Variants in DDR2 observed in about 807,000 individuals in gnomAD.
DDR2 encodes discoidin domain receptor tyrosine kinase 2, also known as discoidin domain-containing receptor 2.
In DDR2, 27 loss-of-function variants were observed where a neutral mutation model predicts 94.9. The ratio of observed to expected loss-of-function variants is 0.28; its 90% CI spans 0.21 to 0.39. The LOEUF is 0.39. Among genes scored for constraint, DDR2 ranks in the 10% least tolerant of loss-of-function variants. The probability of loss-of-function intolerance (pLI) is 1.00; values close to 1 mark genes in which losing one functional copy is unlikely to be tolerated. For missense variants in DDR2, 783 were observed against 1,076.0 expected (o/e 0.73, Z 3.81); for synonymous variants, 382 against 377.2 (o/e 1.01, Z -0.15).
At position 162,718,176 on chromosome 1, in the gene DDR2, C is replaced by T. The variant is rs558476773; in HGVS notation, c.-27-861C>T. Among the ~76,000 whole-genome samples, 149 of 152,276 alleles carry T rather than the reference C, an allele frequency of 9.8e-4. 1 individual carries two copies. The highest frequency in any genetic ancestry group is 3.4e-3 in the African/African-American group (143 of 41,570). ...TAAGTTGGCTACTGTGTCCCTTTGT[C>T]ATACCCCATCATCTTTTTGTGTGTA... On this transcript the variant is annotated intron_variant, in intron 2 of 17. Coordinates refer to ENST00000367921, the MANE Select transcript of DDR2 (RefSeq NM_006182.4).
At chr1:162,741,517 G>A (rs1441895135) in intron 3 of DDR2, 46 of 890,766 alleles carry the variant, frequency 5.2e-5, no homozygotes, top group Non-Finnish European at 6.0e-5. Flanking sequence ...GTTATTGCAA[G>A]GGTAAAGCAA....
intron 3 of DDR2, among the ~76,000 whole-genome samples, chr1:162,747,732 G>A (rs1042007915): frequency 6.6e-6 from 1 of 152,148 alleles, no homozygotes; most frequent in Non-Finnish European, 1.5e-5. Flanking sequence ...AGGAAAAAAC[G>A]TTAAGGGTAG....
chr1:162,779,648 A>T lies in DDR2; in HGVS notation c.2434-464A>T, dbSNP rs200500862. ...TGGCAGCAGGGAGTCTAAATTAGCT[A>T]TCTTGGTTATGAGGCAATTTGCCTT... On this transcript the variant is annotated intron_variant, in intron 17 of 17. Transcript: ENST00000367921. 1.2e-4 allele frequency among the ~76,000 whole-genome samples: 18 copies of T among 152,336 alleles called. No individual in the cohort carries two copies. In the East Asian group the frequency reaches 3.3e-3, roughly 28 times the overall value.
At chr1:162,632,893 T>C (rs977422932) in intron 1 of DDR2, among the ~76,000 whole-genome samples, 4 of 152,136 alleles carry the variant, frequency 2.6e-5, no homozygotes, top group African/African-American at 9.7e-5. Context: ...TAAATGAATC[T>C]ATAGCAGCTG....
chr1:162,763,336 C>CTTTTTTTTTTTTTTTTTTTT lies in DDR2; in HGVS notation c.1099+1897_1099+1916dup, dbSNP rs56323242. 3.5e-5 allele frequency among the ~76,000 whole-genome samples: 2 copies of CTTTTTTTTTTTTTTTTTTTT among 56,500 alleles called. 1 individual carries two copies. Among genetic ancestry groups the CTTTTTTTTTTTTTTTTTTTT allele is most frequent in the African/African-American group, 1.5e-4 (2 of 13,332 alleles). 37.1% of individuals were successfully genotyped at this position (56,500 alleles called of 152,430 possible). A position where few individuals can be genotyped will look rare whatever the true frequency, so the allele number is the denominator to read the frequency against. ...TACAGGTGCCTGCTACCACGCCCGG[C>CTTTTTTTTTTTTTTTTTTTT]TTTTTTTTTTTTTTTTTTTTTTTTT... is the stretch of plus-strand genomic sequence containing the variant. On this transcript the variant is annotated intron_variant, in intron 9 of 17. Transcript: ENST00000367921.
rs568329500 is a variant in DDR2 at position 162,660,616 on chromosome 1, AT to A, written c.-28+5243del. Among the ~76,000 whole-genome samples, 261 of 152,298 alleles carry A rather than the reference AT, an allele frequency of 1.7e-3. 6 individuals are homozygous for A. Among genetic ancestry groups the A allele is most frequent in the African/African-American group, 5.9e-3 (244 of 41,564 alleles). ...GTTCTGACACTCAATTACTTAGGTA[AT>A]GATCAAACAACCAGATCTTGAAGTT... On this transcript the variant is annotated intron_variant, in intron 2 of 17. Coordinates refer to ENST00000367921, the MANE Select transcript of DDR2 (RefSeq NM_006182.4).
At chr1:162,640,901 G>A (rs1055764950) in intron 1 of DDR2, among the ~76,000 whole-genome samples, 1 of 151,240 alleles carries the variant, frequency 6.6e-6, no homozygotes, top group African/African-American at 2.4e-5. Flanking sequence ...GGGACTATAT[G>A]TGCGTACTAC....
intron 3 of DDR2, among the ~76,000 whole-genome samples, chr1:162,741,263 G>GTAATGTAATATAATA (rs1318503829): frequency 4.9e-4 from 62 of 125,308 alleles, no homozygotes; most frequent in African/African-American, 1.5e-3. Context: ...GTAATGTAAT[G>GTAATGTAATATAATA]TAATATAATA....
intron 2 of DDR2, among the ~76,000 whole-genome samples, chr1:162,706,186 T>A (rs1377391534): frequency 6.6e-6 from 1 of 152,122 alleles, no homozygotes; most frequent in Admixed American, 6.5e-5. Context: ...GATGAACAGG[T>A]CAGCAGCCAT....
At chr1:162,760,046 G>A (rs1016197956) in intron 8 of DDR2, 67 bp downstream of exon 8, 14 of 1,608,458 alleles carry the variant, frequency 8.7e-6, no homozygotes, top group Middle Eastern at 1.6e-4. Flanking sequence ...TAGAGAAAAG[G>A]CATGCTAGAA....
intron 2 of DDR2, among the ~76,000 whole-genome samples, chr1:162,684,812 AACAC>A (rs56958157): frequency 0.038 from 5,174 of 137,952 alleles, 91 homozygotes; most frequent in Non-Finnish European, 0.041. Flanking sequence ...CACACCCACC[AACAC>A]ACACACACAC....
At chr1:162,709,031 T>C (rs1327096397) in intron 2 of DDR2, among the ~76,000 whole-genome samples, 1 of 152,182 alleles carries the variant, frequency 6.6e-6, no homozygotes, top group Non-Finnish European at 1.5e-5. Context: ...ACTCATTTCA[T>C]CCTTACAACA....
intron 11 of DDR2, 78 bp from the exon 12 acceptor site, chr1:162,770,224 A>G: frequency 7.3e-7 from 1 of 1,361,516 alleles, no homozygotes; most frequent in Non-Finnish European, 1.0e-6. Context: ...TTTGAGTGGG[A>G]GAGCTGAGTT....
chr1:162,650,311 A>G (rs1482558638), intron 1 of DDR2, among the ~76,000 whole-genome samples: 1 of 151,968 alleles, frequency 6.6e-6, no homozygotes, highest in Non-Finnish European at 1.5e-5. Flanking sequence ...AATAATAATA[A>G]CAGGCCAGGT....
At chr1:162,659,281 G>C (rs1658173631) in intron 2 of DDR2, among the ~76,000 whole-genome samples, 1 of 152,154 alleles carries the variant, frequency 6.6e-6, no homozygotes, top group African/African-American at 2.4e-5. Flanking sequence ...CTTGTAGCTG[G>C]GATGTTCAAG....
chr1:162,639,059 A>G (rs1259896412), intron 1 of DDR2, among the ~76,000 whole-genome samples: 1 of 151,774 alleles, frequency 6.6e-6, no homozygotes, highest in Admixed American at 6.6e-5. Context: ...TCCACCTCCC[A>G]GGTCCAAGTG....
chr1:162,650,535 G>T (rs988009087), intron 1 of DDR2, among the ~76,000 whole-genome samples: 1 of 152,104 alleles, frequency 6.6e-6, no homozygotes, highest in Non-Finnish European at 1.5e-5. Flanking sequence ...GGCAGAGGTT[G>T]CAGTGAACTA....
chr1:162,665,101 A>T (rs926430822), intron 2 of DDR2, among the ~76,000 whole-genome samples: 1 of 152,310 alleles, frequency 6.6e-6, no homozygotes, highest in Admixed American at 6.5e-5. Context: ...TTTCCTACGT[A>T]TATTTTCTAC....
chr1:162,728,135 T>A (rs1049263477), intron 3 of DDR2, among the ~76,000 whole-genome samples: 115 of 141,100 alleles, frequency 8.2e-4, no homozygotes, highest in African/African-American at 2.7e-3. Flanking sequence ...ACACTATATA[T>A]ATCTATATAT....
Sources: gnomAD v4.1 joint callset for allele counts (sites outside exome capture counted in the v4.1 genomes callset) on GRCh38, gnomAD v4.1.1 for gene constraint, MANE v1.5 for transcripts, NCBI Gene and HGNC (gene_info 2026-07-23, HGNC 2026-07-21) for gene names.